The following KANK1 variants were observed in gnomAD, a reference collection of about 807,000 sequenced individuals.
KANK1 encodes the protein KN motif and ankyrin repeat domains 1, also known as KN motif and ankyrin repeat domain-containing protein 1.
Under a neutral mutation model 106.2 loss-of-function variants are expected in KANK1, and 109 were observed. The ratio of observed to expected loss-of-function variants is 1.03; its 90% CI spans 0.88 to 1.20. KANK1 has a LOEUF of 1.20. KANK1 is among the 50% of genes most tolerant of loss of function. KANK1 has a pLI of 0.00. For missense variants in KANK1, 2,399 were observed against 1,710.7 expected, an observed-to-expected ratio of 1.40 and a Z score of -7.10; for synonymous variants, 873 against 652.2, an observed-to-expected ratio of 1.34 and a Z score of -5.16.
chr9:594,409 T>A (rs1438390162), intron 1 of KANK1, among the ~76,000 whole-genome samples: 2 of 151,830 alleles, frequency 1.3e-5, no homozygotes, highest in African/African-American at 4.9e-5. Flanking sequence ...CTGGTGAGAA[T>A]TAGGGACAAA....
At chr9:484,730 A>G (rs1564115181) in intron 3 of KANK1, among the ~76,000 whole-genome samples, 1 of 152,170 alleles carries the variant, frequency 6.6e-6, no homozygotes, top group Admixed American at 6.5e-5. Flanking sequence ...TGAATGGGGT[A>G]TGGAGAGGGA....
At chr9:523,792 GTC>G (rs1394745498) in intron 1 of KANK1, among the ~76,000 whole-genome samples, 7 of 149,286 alleles carry the variant, frequency 4.7e-5, no homozygotes, top group African/African-American at 1.8e-4. Context: ...GGCACTCCAG[GTC>G]TCTCTTAATC....
chr9:681,848 C>G (rs1306061920), intron 2 of KANK1, among the ~76,000 whole-genome samples: 1 of 152,154 alleles, frequency 6.6e-6, no homozygotes, highest in African/African-American at 2.4e-5. Flanking sequence ...CTCTTATCAT[C>G]TTTATTTTTG....
intron 3 of KANK1, among the ~76,000 whole-genome samples, chr9:486,940 T>C (rs566714357): frequency 2.4e-4 from 36 of 152,346 alleles, no homozygotes; most frequent in African/African-American, 8.2e-4. Flanking sequence ...ACTAGATGAC[T>C]GCTCTGCTTT....
At chr9:629,149 T>C (rs544546851) in intron 1 of KANK1, among the ~76,000 whole-genome samples, 2 of 152,200 alleles carry the variant, frequency 1.3e-5, no homozygotes, top group East Asian at 3.9e-4. Context: ...TGTATGTTTG[T>C]GATCAGTGAG....
intron 1 of KANK1, among the ~76,000 whole-genome samples, chr9:554,883 G>A (rs562742240): frequency 1.3e-5 from 2 of 152,166 alleles, no homozygotes; most frequent in African/African-American, 4.8e-5. Flanking sequence ...GTTATCTTGG[G>A]GTAAACACTG....
intron 1 of KANK1, among the ~76,000 whole-genome samples, chr9:608,615 A>G (rs894585003): frequency 2.0e-5 from 3 of 149,182 alleles, no homozygotes; most frequent in African/African-American, 7.8e-5. Context: ...GAGGAATGCC[A>G]TCATCAGGAC....
rs1403295615 is a variant in KANK1, at chr9:713,118, A to G, written c.2352A>G (p.Pro784=). 2 of 1,604,760 alleles carry G rather than the reference A, an allele frequency of 1.2e-6. No homozygotes were observed. Among genetic ancestry groups the G allele is most frequent in the Non-Finnish European group, 1.7e-6 (2 of 1,173,566 alleles). The change falls in exon 3 of 12, where the codon CCA becomes CCG. Residue 784 remains proline, a synonymous_variant. Transcript: ENST00000382297. The part of the protein sequence containing the change: ...LKMRTIACGP[P]QLTVGLTASR... ...TGAGGACTATAGCTTGTGGGCCACC[A>G]CAGTTGACTGTGGGGCTGACAGCCA...
At chr9:721,594 C>A (rs1829358253) in intron 3 of KANK1, among the ~76,000 whole-genome samples, 1 of 152,124 alleles carries the variant, frequency 6.6e-6, no homozygotes, top group South Asian at 2.1e-4. Flanking sequence ...AACTATAGTA[C>A]CCCTTTTATT....
At chr9:684,039 TG>T in intron 2 of KANK1, 1 of 360,852 alleles carries the variant, frequency 2.8e-6, no homozygotes, top group Non-Finnish European at 3.8e-6. Flanking sequence ...CTTGCCTGTG[TG>T]GTTAATCAGA....
intron 1 of KANK1, among the ~76,000 whole-genome samples, chr9:524,373 G>GC (rs1657449345): frequency 2.1e-5 from 1 of 48,112 alleles, no homozygotes. Flanking sequence ...TGGAGTGTAT[G>GC]TGTATAAGAA....
intron 3 of KANK1, chr9:492,327 A>C (rs2132318985): frequency 6.6e-6 from 1 of 152,374 alleles, no homozygotes; most frequent in Non-Finnish European, 1.5e-5. Flanking sequence ...TTATTTCACA[A>C]AACTGACTAG....
chr9:635,610 A>G (rs1337431121), intron 1 of KANK1, among the ~76,000 whole-genome samples: 1 of 151,922 alleles, frequency 6.6e-6, no homozygotes, highest in Non-Finnish European at 1.5e-5. Context: ...TAAGAATTCT[A>G]TATGAGTAGA....
chr9:629,851 C>G (rs1308591973), intron 1 of KANK1, among the ~76,000 whole-genome samples: 1 of 152,224 alleles, frequency 6.6e-6, no homozygotes, highest in African/African-American at 2.4e-5. Flanking sequence ...CAGGCAATGA[C>G]TCATTTACTG....
intron 3 of KANK1, among the ~76,000 whole-genome samples, chr9:714,135 C>A: frequency 6.6e-6 from 1 of 152,010 alleles, no homozygotes; most frequent in African/African-American, 2.4e-5. Flanking sequence ...AAGCTATAGG[C>A]TGTGAAGATA....
At chr9:658,956 C>A (rs538893505) in intron 1 of KANK1, among the ~76,000 whole-genome samples, 1 of 152,240 alleles carries the variant, frequency 6.6e-6, no homozygotes, top group South Asian at 2.1e-4. Flanking sequence ...CATCTGCATA[C>A]CCTCAACTTC....
At chr9:623,146 A>G (rs1435547975) in intron 1 of KANK1, among the ~76,000 whole-genome samples, 1 of 152,140 alleles carries the variant, frequency 6.6e-6, no homozygotes, top group African/African-American at 2.4e-5. Context: ...GAGAATGTCT[A>G]CAAACCATAT....
chr9:693,275 C>T (rs1820430353), intron 2 of KANK1: 1 of 583,666 alleles, frequency 1.7e-6, no homozygotes, highest in Non-Finnish European at 2.2e-6. Flanking sequence ...CAGCATAAAA[C>T]TCAATCATTT....
chr9:740,900 T>C lies in KANK1; in HGVS notation c.3662T>C (p.Phe1221Ser). 2 of 1,614,204 alleles carry C rather than the reference T, an allele frequency of 1.2e-6. No individual in the cohort carries two copies. Among genetic ancestry groups the C allele is most frequent in the Non-Finnish European group, 1.7e-6 (2 of 1,180,028 alleles). The change falls in exon 9 of 12, where the codon TTC becomes TCC. Residue 1221 changes from phenylalanine to serine, a missense_variant. Coordinates refer to ENST00000382297, the MANE Select transcript of KANK1 (RefSeq NM_015158.5). ...GACATGCGGATTGTGGAAGAACTCT[T>C]CGGCTGTGGGGATGTGAATGCCAAA... ...EKDMRIVEEL[F>S]GCGDVNAKAS...
Sources: gnomAD v4.1 joint callset for allele counts (sites outside exome capture counted in the v4.1 genomes callset) on GRCh38, gnomAD v4.1.1 for gene constraint, MANE v1.5 for transcripts, NCBI Gene and HGNC (gene_info 2026-07-23, HGNC 2026-07-21) for gene names.